The following RALA variants were observed in gnomAD, a reference collection of about 807,000 sequenced individuals.
RALA encodes the protein ras-related protein Ral-A.
Under a neutral mutation model 24.0 loss-of-function variants are expected in RALA, and 5 were observed. The ratio of observed to expected loss-of-function variants is 0.21; its 90% confidence interval spans 0.11 to 0.44. The LOEUF is 0.44. Among genes scored for constraint, RALA ranks in the 20% least tolerant of loss-of-function variants. RALA has a pLI of 0.99. For synonymous variants in RALA, 77 were observed against 83.8 expected, an observed-to-expected ratio of 0.92 and a Z score of 0.44; for missense variants, 95 against 241.2, an observed-to-expected ratio of 0.39 and a Z score of 4.01.
At chr7:39,625,727 A>T (rs1329196312) in intron 1 of RALA, among the ~76,000 whole-genome samples, 1 of 152,226 alleles carries the variant, frequency 6.6e-6, no homozygotes, top group Non-Finnish European at 1.5e-5. Flanking sequence ...AGGGCTAATT[A>T]TAGAAAAGAA....
chr7:39,680,137 A>G (rs965225015), intron 1 of RALA, among the ~76,000 whole-genome samples: 1 of 152,100 alleles, frequency 6.6e-6, no homozygotes, highest in Non-Finnish European at 1.5e-5. Context: ...TGGGAGGCCA[A>G]GGCAGGCAGA....
intron 4 of RALA, among the ~76,000 whole-genome samples, chr7:39,701,385 T>G (rs1793024180): frequency 6.6e-6 from 1 of 152,100 alleles, no homozygotes; most frequent in Non-Finnish European, 1.5e-5. Flanking sequence ...GTGGCGAATG[T>G]CTGTAGTCAC....
intron 4 of RALA, among the ~76,000 whole-genome samples, chr7:39,705,581 A>C (rs1793106659): frequency 6.6e-6 from 1 of 152,116 alleles, no homozygotes; most frequent in East Asian, 1.9e-4. Flanking sequence ...AAAACTGATA[A>C]ATTCTCAAAT....
intron 1 of RALA, among the ~76,000 whole-genome samples, chr7:39,641,681 T>C (rs1791820318): frequency 1.3e-5 from 2 of 152,112 alleles, no homozygotes; most frequent in African/African-American, 4.8e-5. Context: ...GTAAGGATAA[T>C]TTTTTTTAAG....
In RALA at chr7:39,637,343, A is replaced by G. The variant is rs1791699092; in HGVS notation, c.-38+13518A>G. Reference sequence around the variant, plus strand: ...TTATCCTTGTTTGATCTTTATTATCAGCCAAGAGATATAGAGAGGACGGCT... The same window carrying G: ...TTATCCTTGTTTGATCTTTATTATCGGCCAAGAGATATAGAGAGGACGGCT... On this transcript the variant is annotated intron_variant, in intron 1 of 4. Coordinates refer to ENST00000005257, the MANE Select transcript of RALA (RefSeq NM_005402.4). Among the ~76,000 whole-genome samples, 2 of 152,206 alleles carry G rather than the reference A, an allele frequency of 1.3e-5. 1 individual carries two copies. Among genetic ancestry groups the G allele is most frequent in the South Asian group, 4.1e-4 (2 of 4,826 alleles).
intron 1 of RALA, among the ~76,000 whole-genome samples, chr7:39,641,676 G>A (rs1791820205): frequency 3.3e-5 from 5 of 152,112 alleles, no homozygotes. Context: ...TTTAAGTAAG[G>A]ATAATTTTTT....
chr7:39,667,737 C>T (rs1792309658), intron 1 of RALA, among the ~76,000 whole-genome samples: 1 of 152,202 alleles, frequency 6.6e-6, no homozygotes, highest in South Asian at 2.1e-4. Context: ...AAATCTATTT[C>T]GAAAAACATT....
chr7:39,659,704 C>A (rs1792155099), intron 1 of RALA, among the ~76,000 whole-genome samples: 1 of 152,012 alleles, frequency 6.6e-6, no homozygotes, highest in Admixed American at 6.6e-5. Flanking sequence ...CTAAATAAGC[C>A]CAAAAATATG....
rs1583700378 is a variant in RALA, at chr7:39,629,139, A to G, written c.-38+5314A>G. Among the ~76,000 whole-genome samples the G allele has an allele frequency of 2.0e-5, 3 of 152,320 alleles. No homozygotes were observed. The South Asian group carries it at 6.2e-4, about 32-fold the overall frequency. ...ATCTTCAGGATAAATGCATATGTAG[A>G]GTTGTTAGGTACTGTCAAACTCCTC... On this transcript the variant is annotated intron_variant, in intron 1 of 4. Coordinates refer to ENST00000005257, the MANE Select transcript of RALA (RefSeq NM_005402.4).
intron 1 of RALA, among the ~76,000 whole-genome samples, chr7:39,636,438 G>A (rs1273908877): frequency 6.6e-6 from 1 of 152,006 alleles, no homozygotes; most frequent in Admixed American, 6.6e-5. Context: ...TCATCTGCTG[G>A]GATACTTTGA....
At chr7:39,636,550 C>A (rs969757001) in intron 1 of RALA, among the ~76,000 whole-genome samples, 1 of 152,242 alleles carries the variant, frequency 6.6e-6, no homozygotes, top group East Asian at 1.9e-4. Context: ...ACACTTTCTT[C>A]GTTGTAAAAA....
At chr7:39,688,543 A>C (rs1792751035) in intron 2 of RALA, among the ~76,000 whole-genome samples, 1 of 151,958 alleles carries the variant, frequency 6.6e-6, no homozygotes, top group Non-Finnish European at 1.5e-5. Context: ...CCTCTTGACA[A>C]TAAGGAAGCC....
chr7:39,656,193 A>C (rs1206650635), intron 1 of RALA, among the ~76,000 whole-genome samples: 1 of 152,206 alleles, frequency 6.6e-6, no homozygotes, highest in Non-Finnish European at 1.5e-5. Context: ...GTAACTAGCA[A>C]TTCAAAATTC....
intron 4 of RALA, among the ~76,000 whole-genome samples, chr7:39,697,830 A>G (rs529128795): frequency 6.6e-6 from 1 of 152,270 alleles, no homozygotes; most frequent in East Asian, 1.9e-4. Flanking sequence ...TGCTGTCTTA[A>G]GCTTCTTAAC....
intron 2 of RALA, among the ~76,000 whole-genome samples, chr7:39,688,795 A>G (rs1352562355): frequency 1.3e-5 from 2 of 152,092 alleles, no homozygotes; most frequent in African/African-American, 4.8e-5. Flanking sequence ...ACACTGCTAT[A>G]AAGAAGTACC....
chr7:39,705,802 T>C (rs1296369793), intron 4 of RALA, among the ~76,000 whole-genome samples: 2 of 151,966 alleles, frequency 1.3e-5, no homozygotes, highest in East Asian at 3.8e-4. Context: ...ATATAATCCA[T>C]TGAGTTCTAT....
intron 3 of RALA, among the ~76,000 whole-genome samples, chr7:39,691,898 T>G (rs1192458972): frequency 6.6e-6 from 1 of 152,334 alleles, no homozygotes; most frequent in South Asian, 2.1e-4. Flanking sequence ...AGTCTTGTTC[T>G]AAGTAATGGA....
At chr7:39,624,195 C>T (rs1406990862) in intron 1 of RALA, 6 of 152,444 alleles carry the variant, frequency 3.9e-5, no homozygotes, top group African/African-American at 1.4e-4. Flanking sequence ...GTCCCCGCGC[C>T]TCACTCCACC....
At chr7:39,702,555 T>G (rs1288939484) in intron 4 of RALA, among the ~76,000 whole-genome samples, 4 of 152,220 alleles carry the variant, frequency 2.6e-5, no homozygotes, top group African/African-American at 7.2e-5. Context: ...ATTTTCCTAT[T>G]AATGACATTT....
Sources: gnomAD v4.1 joint callset for allele counts (sites outside exome capture counted in the v4.1 genomes callset) on GRCh38, gnomAD v4.1.1 for gene constraint, MANE v1.5 for transcripts, NCBI Gene and HGNC (gene_info 2026-07-23, HGNC 2026-07-21) for gene names.